The following PAX5 variants were observed in gnomAD, a reference collection of about 807,000 sequenced individuals.
PAX5 encodes paired box protein Pax-5.
In PAX5, 9 loss-of-function variants were observed where a neutral mutation model predicts 43.7. That is an observed-to-expected ratio of 0.21 (90% CI 0.12 to 0.36). The LOEUF (loss-of-function observed/expected upper bound fraction) is 0.36. PAX5 is among the 10% of genes least tolerant of loss of function. The pLI is 1.00. For missense variants in PAX5, 383 were observed against 532.7 expected, an observed-to-expected ratio of 0.72 and a Z score of 2.77; for synonymous variants, 228 against 214.3, an observed-to-expected ratio of 1.06 and a Z score of -0.56.
At chr9:36,986,225 G>A (rs1188474526) in intron 5 of PAX5, among the ~76,000 whole-genome samples, 1 of 151,270 alleles carries the variant, frequency 6.6e-6, no homozygotes, top group Non-Finnish European at 1.5e-5. Context: ...CGGGGCCCCG[G>A]CAAATAAAGT....
intron 2 of PAX5, among the ~76,000 whole-genome samples, chr9:37,020,007 G>A (rs945144470): frequency 1.3e-5 from 2 of 152,252 alleles, no homozygotes; most frequent in Non-Finnish European, 2.9e-5. Flanking sequence ...ACGGTCCTAT[G>A]GGAGAAGCCT....
At chr9:36,981,766 GCCA>G (rs944508273) in intron 5 of PAX5, among the ~76,000 whole-genome samples, 2 of 152,378 alleles carry the variant, frequency 1.3e-5, no homozygotes, top group African/African-American at 4.8e-5. Context: ...CTCTGGCTCT[GCCA>G]CTTGCCAGCT....
At chr9:36,995,117 G>A (rs115943679) in intron 5 of PAX5, among the ~76,000 whole-genome samples, 25 of 152,344 alleles carry the variant, frequency 1.6e-4, no homozygotes, top group African/African-American at 5.8e-4. Context: ...AGACAAAATG[G>A]TGGTAACCTC....
chr9:37,022,899 G>C (rs999472622), intron 1 of PAX5, among the ~76,000 whole-genome samples: 1 of 152,118 alleles, frequency 6.6e-6, no homozygotes, highest in Non-Finnish European at 1.5e-5. Context: ...TCCTTGAAAG[G>C]TCCCCAAGAC....
rs542389477 is a variant in PAX5, at chr9:36,958,049, A to G, written c.780+8500T>C. ...GAAAATCTAAGAAGAGCTACCCTAG[A>G]GGGTCTGGGATTTTTTCTTAGTTAA... On this transcript the variant is annotated intron_variant, in intron 6 of 9. Transcript: ENST00000358127. Among the ~76,000 whole-genome samples, 6 of 152,260 alleles carry G rather than the reference A, an allele frequency of 3.9e-5. No homozygotes were observed. In the East Asian group the frequency reaches 1.2e-3, roughly 29 times the overall value.
At chr9:36,924,115 T>C (rs891110176) in intron 6 of PAX5, among the ~76,000 whole-genome samples, 3 of 152,202 alleles carry the variant, frequency 2.0e-5, no homozygotes, top group Admixed American at 1.3e-4. Context: ...ATTTGGCAAG[T>C]GTTTTTGAAT....
intron 1 of PAX5, 86 bp downstream of exon 1, chr9:37,033,897 CCCT>C: frequency 1.7e-6 from 2 of 1,179,996 alleles, no homozygotes; most frequent in Non-Finnish European, 1.3e-6. Flanking sequence ...GCGGCGCGCC[CCCT>C]CCTCCTCCAG....
intron 3 of PAX5, among the ~76,000 whole-genome samples, chr9:37,011,488 GA>G (rs1838928206): frequency 2.0e-5 from 3 of 152,144 alleles, no homozygotes; most frequent in Admixed American, 6.5e-5. Flanking sequence ...TGCTGGAATA[GA>G]AGAAGGAAGA....
At chr9:36,881,951 C>A (rs944559256) in intron 8 of PAX5, 53 bp downstream of exon 8, 8 of 1,354,520 alleles carry the variant, frequency 5.9e-6, no homozygotes, top group East Asian at 2.4e-5. Context: ...GATGTCCCCC[C>A]ACCGAAACCC....
chr9:36,869,421 C>T (rs374254081), intron 8 of PAX5, among the ~76,000 whole-genome samples: 1 of 152,244 alleles, frequency 6.6e-6, no homozygotes, highest in Admixed American at 6.5e-5. Context: ...CTAGATTCCT[C>T]CCCTGCCCTA....
At chr9:36,974,978 C>CCCTT (rs1449637146) in intron 5 of PAX5, among the ~76,000 whole-genome samples, 3 of 152,170 alleles carry the variant, frequency 2.0e-5, no homozygotes, top group African/African-American at 7.2e-5. Context: ...TGCTGGCATG[C>CCCTT]CCTTCTCTCC....
rs1381500204 is a variant in PAX5, at chr9:36,885,490, C to G, written c.911-3385G>C. Among the ~76,000 whole-genome samples the G allele has an allele frequency of 1.3e-5, 2 of 152,188 alleles. 1 individual carries two copies. The highest frequency in any genetic ancestry group is 2.9e-5 in the Non-Finnish European group (2 of 68,036). On this transcript the variant is annotated intron_variant, in intron 7 of 9. Transcript: ENST00000358127. Reference sequence around the variant, plus strand: ...TGTGAGTGAGGCACACACATTCTCACTTATTCCTCACAATAGCCCTATTAG... The same window carrying G: ...TGTGAGTGAGGCACACACATTCTCAGTTATTCCTCACAATAGCCCTATTAG...
chr9:36,896,442 G>T (rs1164526901), intron 7 of PAX5, among the ~76,000 whole-genome samples: 1 of 151,952 alleles, frequency 6.6e-6, no homozygotes, highest in African/African-American at 2.4e-5. Flanking sequence ...TGCACTGCTC[G>T]CCAAGGAAAA....
rs1483817772 is a variant in PAX5, at chr9:37,014,988, GC to G, written c.410+8del. On this transcript the variant is annotated splice_region_variant and intron_variant, in intron 3 of 9. Coordinates refer to ENST00000358127, the MANE Select transcript of PAX5 (RefSeq NM_016734.3). ...AAATCCCCAACCCCCACAGGCACGA[GC>G]CCCTCACCTGTTGATGGAACTGACG... 1.2e-6 allele frequency: 2 copies of G among 1,611,818 alleles called. No homozygotes were observed. The highest frequency in any genetic ancestry group is 2.2e-5 in the South Asian group (2 of 90,988).
chr9:36,862,919 G>A (rs1251477398), intron 8 of PAX5, among the ~76,000 whole-genome samples: 1 of 152,126 alleles, frequency 6.6e-6, no homozygotes, highest in Non-Finnish European at 1.5e-5. Flanking sequence ...CAGACCAAGG[G>A]GGCAGGCAGG....
At chr9:36,967,773 T>C (rs1222311357) in intron 5 of PAX5, among the ~76,000 whole-genome samples, 1 of 152,080 alleles carries the variant, frequency 6.6e-6, no homozygotes, top group Non-Finnish European at 1.5e-5. Context: ...TTTTCTTTGG[T>C]TTGGTTTGGT....
chr9:37,002,717 A>G lies in PAX5; in HGVS notation c.535T>C (p.Tyr179His). ...ATGCCCAGGATGCCGCTGATGGAGT[A>G]CGACGAGCCGGCCGAATCCGTGCTC... ...SVSTDSAGSS[Y>H]SISGILGITS... The change falls in exon 5 of 10, where the codon TAC becomes CAC. Residue 179 changes from tyrosine to histidine, a missense_variant. By Grantham distance (83) the Tyr-to-His change is moderately conservative. Transcript: ENST00000358127. 1 of 1,610,650 alleles carries G rather than the reference A, an allele frequency of 6.2e-7. No homozygotes were observed. Among genetic ancestry groups the G allele is most frequent in the Non-Finnish European group, 8.5e-7 (1 of 1,178,982 alleles).
In PAX5 at chr9:36,917,488, G is replaced by A. The variant is rs902650672; in HGVS notation, c.910+5867C>T. Among the ~76,000 whole-genome samples the A allele has an allele frequency of 4.6e-5, 7 of 152,248 alleles. No individual in the cohort carries two copies. The South Asian group carries it at 1.4e-3, about 32-fold the overall frequency. On this transcript the variant is annotated intron_variant, in intron 7 of 9. Coordinates refer to ENST00000358127, the MANE Select transcript of PAX5 (RefSeq NM_016734.3). ...AGGGAATCCCCAAATCCAGACTTTT[G>A]TTTTCTAAATATTGACTCAAATTTG...
At chr9:36,989,247 A>T (rs1836724221) in intron 5 of PAX5, among the ~76,000 whole-genome samples, 1 of 152,210 alleles carries the variant, frequency 6.6e-6, no homozygotes, top group Non-Finnish European at 1.5e-5. Context: ...CATGTTGGAG[A>T]GAGCTGAGGA....
Sources: gnomAD v4.1 joint callset for allele counts (sites outside exome capture counted in the v4.1 genomes callset) on GRCh38, gnomAD v4.1.1 for gene constraint, MANE v1.5 for transcripts, NCBI Gene and HGNC (gene_info 2026-07-23, HGNC 2026-07-21) for gene names.